CRB1: variants seen among roughly 807,000 people sequenced by gnomAD.
CRB1 encodes protein crumbs homolog 1.
Under a neutral mutation model 120.0 loss-of-function variants are expected in CRB1, and 83 were observed. The observed-to-expected ratio is 0.69, with a 90% confidence interval of 0.58 to 0.83. The LOEUF (loss-of-function observed/expected upper bound fraction) is 0.83. CRB1 is among the 40% of genes least tolerant of loss of function. The probability of loss-of-function intolerance (pLI) is 0.00; values close to 1 mark genes in which losing one functional copy is unlikely to be tolerated. For missense variants in CRB1, 1,699 were observed against 1,687.6 expected (o/e 1.01, Z -0.12); for synonymous variants, 625 against 612.5 (o/e 1.02, Z -0.30).
In CRB1 at chr1:197,421,931, C is replaced by G. The variant is rs144436610; in HGVS notation, c.2103C>G (p.Pro701=). The G allele has an allele frequency of 1.6e-3, 2,583 of 1,614,096 alleles. 6 individuals carry two copies. The highest frequency in any genetic ancestry group is 1.9e-3 in the Non-Finnish European group (2,245 of 1,180,028). The part of the protein sequence containing the change: ...WLSYQCDCHR[P]YEGPNCLREY... ...GTTACCAGTGTGACTGCCACAGGCC[C>G]TATGAAGGCCCCAACTGTCTGAGAG... is the stretch of plus-strand genomic sequence containing the variant. The change falls in exon 6 of 12, where the codon CCC becomes CCG. Residue 701 remains proline, a synonymous_variant. Transcript: ENST00000367400.
chr1:197,300,708 T>C (rs547545728), intron 1 of CRB1, among the ~76,000 whole-genome samples: 1 of 152,266 alleles, frequency 6.6e-6, no homozygotes, highest in Admixed American at 6.5e-5. Flanking sequence ...AAAAGCACAT[T>C]TTCAGTGTAG....
intron 1 of CRB1, 71 bp downstream of exon 1, chr1:197,268,553 A>G: frequency 1.8e-6 from 2 of 1,113,508 alleles, no homozygotes; most frequent in Admixed American, 1.7e-5. Flanking sequence ...CAAATAATGG[A>G]TAATGTTGCA....
intron 5 of CRB1, among the ~76,000 whole-genome samples, chr1:197,411,339 A>G (rs1184911250): frequency 2.0e-5 from 3 of 152,222 alleles, no homozygotes; most frequent in Non-Finnish European, 4.4e-5. Flanking sequence ...TATTTCAAAG[A>G]TAAGTTGAGG....
At chr1:197,281,606 T>TA (rs1343652768) in intron 1 of CRB1, among the ~76,000 whole-genome samples, 1 of 151,836 alleles carries the variant, frequency 6.6e-6, no homozygotes, top group Non-Finnish European at 1.5e-5. Context: ...AGGCTGTAGT[T>TA]AGAGAGACCT....
intron 4 of CRB1, among the ~76,000 whole-genome samples, chr1:197,354,613 G>C (rs1264904144): frequency 6.6e-6 from 1 of 152,046 alleles, no homozygotes; most frequent in East Asian, 1.9e-4. Context: ...GAGGGTTCGT[G>C]GTCTTGTTGG....
chr1:197,347,332 C>T lies in CRB1; in HGVS notation c.849-8C>T, dbSNP rs575263031. 2 of 1,612,792 alleles carry T rather than the reference C, an allele frequency of 1.2e-6. No homozygotes were observed. The highest frequency in any genetic ancestry group is 1.7e-6 in the Non-Finnish European group (2 of 1,178,830). ...AGAGTTGACATGAAAATTTCATTTA[C>T]TTTCCAGATATAGCTGTAACTGCAC... On this transcript the variant is annotated splice_polypyrimidine_tract_variant and splice_region_variant and intron_variant, in intron 3 of 11. Coordinates refer to ENST00000367400, the MANE Select transcript of CRB1 (RefSeq NM_201253.3).
At chr1:197,351,217 G>A (rs1321268754) in intron 4 of CRB1, among the ~76,000 whole-genome samples, 51 of 150,108 alleles carry the variant, frequency 3.4e-4, no homozygotes, top group Non-Finnish European at 8.9e-5. Flanking sequence ...AAAATTAGCC[G>A]GGTGTGGTGT....
chr1:197,334,725 G>A (rs1236518721), intron 2 of CRB1, among the ~76,000 whole-genome samples: 1 of 152,132 alleles, frequency 6.6e-6, no homozygotes, highest in Non-Finnish European at 1.5e-5. Context: ...TGGACTATAA[G>A]ACACATGATA....
the CRB1 span, among the ~76,000 whole-genome samples, chr1:197,214,643 T>A: frequency 6.6e-6 from 1 of 151,818 alleles, no homozygotes; most frequent in Non-Finnish European, 1.5e-5. Flanking sequence ...AAACAAAGTC[T>A]GATCTGAACT....
At chr1:197,467,265 C>G (rs530523733) in intron 11 of CRB1, among the ~76,000 whole-genome samples, 74 of 152,154 alleles carry the variant, frequency 4.9e-4, no homozygotes, top group Non-Finnish European at 7.8e-4. Context: ...AACTCTTTAA[C>G]CCAGATTACC....
At chr1:197,257,531 A>G in the CRB1 span, among the ~76,000 whole-genome samples, 2 of 152,212 alleles carry the variant, frequency 1.3e-5, no homozygotes, top group South Asian at 2.1e-4. Flanking sequence ...TTTGTTATAT[A>G]GTTTTCTTAG....
At position 197,366,663 on chromosome 1, in the gene CRB1, A is replaced by G. The variant is rs142171172; in HGVS notation, c.1171+9650A>G. ...ACCATGGAAGATGACAAATGAAAAC[A>G]GGAACTCAAGGAGGCAGAGAATCCT... On this transcript the variant is annotated intron_variant, in intron 5 of 11. Coordinates refer to ENST00000367400, the MANE Select transcript of CRB1 (RefSeq NM_201253.3). Among the ~76,000 whole-genome samples the G allele has an allele frequency of 2.3e-3, 354 of 152,346 alleles. 1 individual carries two copies. Among genetic ancestry groups the G allele is most frequent in the African/African-American group, 8.0e-3 (334 of 41,582 alleles).
the CRB1 span, among the ~76,000 whole-genome samples, chr1:197,254,284 G>T: frequency 6.6e-6 from 1 of 151,878 alleles, no homozygotes; most frequent in Admixed American, 6.6e-5. Flanking sequence ...TACTTTTTTG[G>T]CCATTCCTTG....
the CRB1 span, among the ~76,000 whole-genome samples, chr1:197,206,664 T>C: frequency 6.6e-6 from 1 of 152,184 alleles, no homozygotes; most frequent in Non-Finnish European, 1.5e-5. Context: ...TGGCCTATCA[T>C]ATGGTCTGTC....
chr1:197,349,352 C>A (rs1489928522), intron 4 of CRB1, among the ~76,000 whole-genome samples: 2 of 152,208 alleles, frequency 1.3e-5, no homozygotes, highest in African/African-American at 4.8e-5. Flanking sequence ...AAATGTTTGT[C>A]TTTAAGTGAT....
intron 1 of CRB1, among the ~76,000 whole-genome samples, chr1:197,282,354 A>T (rs1655570965): frequency 6.6e-6 from 1 of 151,900 alleles, no homozygotes; most frequent in Non-Finnish European, 1.5e-5. Context: ...AAGTTCTATA[A>T]AATAATTTTA....
chr1:197,466,388 A>G (rs893268670), intron 11 of CRB1, among the ~76,000 whole-genome samples: 1 of 152,160 alleles, frequency 6.6e-6, no homozygotes, highest in Admixed American at 6.5e-5. Context: ...TCATTATAGG[A>G]GGCTATTTTT....
the CRB1 span, among the ~76,000 whole-genome samples, chr1:197,239,883 AAAAT>A: frequency 6.7e-6 from 1 of 148,694 alleles, no homozygotes; most frequent in Admixed American, 6.7e-5. Flanking sequence ...TATTTATATA[AAAAT>A]AAATAATTAT....
At chr1:197,467,817 A>G (rs1666814637) in intron 11 of CRB1, among the ~76,000 whole-genome samples, 1 of 152,230 alleles carries the variant, frequency 6.6e-6, no homozygotes, top group Non-Finnish European at 1.5e-5. Flanking sequence ...TGAAGCTACT[A>G]TGTTGAAAAT....
Sources: gnomAD v4.1 joint callset for allele counts (sites outside exome capture counted in the v4.1 genomes callset) on GRCh38, gnomAD v4.1.1 for gene constraint, MANE v1.5 for transcripts, NCBI Gene and HGNC (gene_info 2026-07-23, HGNC 2026-07-21) for gene names.